The following MYO5C variants were observed in gnomAD, a reference collection of about 807,000 sequenced individuals.
MYO5C encodes the protein myosin VC.
In MYO5C, 194 loss-of-function variants were observed where a neutral mutation model predicts 235.7. The ratio of observed to expected loss-of-function variants is 0.82; its 90% confidence interval spans 0.73 to 0.93. MYO5C has a LOEUF of 0.93. Ranked by LOEUF, MYO5C falls within the 40% of genes least tolerant of loss-of-function variation. MYO5C has a pLI of 0.00. For synonymous variants in MYO5C, 707 were observed against 754.8 expected (o/e 0.94, Z 1.04); for missense variants, 2,038 against 2,127.2 (o/e 0.96, Z 0.82).
chr15:52,250,874 A>C (rs1460087490), intron 13 of MYO5C: 2 of 152,244 alleles, frequency 1.3e-5, no homozygotes, highest in Admixed American at 6.5e-5. Flanking sequence ...TGTGATTTTA[A>C]CAAAAATTTT....
At chr15:52,202,716 C>A (rs533058720) in intron 38 of MYO5C, among the ~76,000 whole-genome samples, 1 of 152,106 alleles carries the variant, frequency 6.6e-6, no homozygotes, top group African/African-American at 2.4e-5. Flanking sequence ...TCTGAATACC[C>A]CTTTCTATCT....
Position 52,246,007 on chromosome 15 carries a change from G to A in MYO5C, c.2015C>T (p.Ala672Val). The A allele has an allele frequency of 6.2e-7, 1 of 1,614,186 alleles. No homozygotes were observed. The highest frequency in any genetic ancestry group is 1.7e-5 in the Admixed American group (1 of 60,024). Residue 672 changes from alanine (A) to valine (V), a missense_variant, in exon 17 of 41, where the codon GCC (alanine) becomes GTC (valine). Ala to Val is a moderately conservative substitution (Grantham distance 64). Transcript: ENST00000261839. ...DSKRIVQQLR[A>V]CGVLETIRIS... Reference sequence around the variant, plus strand: ...GCGAATCGTTTCTAAAACGCCGCAGGCTCGCAGCTGCTGAACAATTCTTTT... The same window carrying A: ...GCGAATCGTTTCTAAAACGCCGCAGACTCGCAGCTGCTGAACAATTCTTTT...
In MYO5C at chr15:52,282,776, C is replaced by G. The variant is rs944364717; in HGVS notation, c.138+6G>C. The G allele has an allele frequency of 1.9e-6, 3 of 1,587,782 alleles. No individual in the cohort carries two copies. Among genetic ancestry groups the G allele is most frequent in the Non-Finnish European group, 2.6e-6 (3 of 1,156,214 alleles). ...CGACGTAGCTGTGAACAGCAAGGAC[C>G]CTCACCGTTCCATCCTCCAGCAGGA... On this transcript the variant is annotated splice_donor_region_variant and intron_variant, in intron 2 of 40. Coordinates refer to ENST00000261839, the MANE Select transcript of MYO5C (RefSeq NM_018728.4).
intron 35 of MYO5C, 103 bp from the exon 36 acceptor site, chr15:52,208,746 C>A: frequency 3.5e-6 from 3 of 846,340 alleles, no homozygotes; most frequent in Non-Finnish European, 3.8e-6. Context: ...ATTAGTTTTT[C>A]TTTTATTCAC....
In MYO5C at chr15:52,260,313, G is replaced by A. The variant is rs117783936; in HGVS notation, c.1313+549C>T. 9.6e-3 allele frequency among the ~76,000 whole-genome samples: 1,461 copies of A among 152,342 alleles called. 17 individuals are homozygous for A. Among genetic ancestry groups the A allele is most frequent in the Non-Finnish European group, 0.014 (920 of 68,032 alleles). ...CGGAAAAGGATTGGGGTAGGGGGGT[G>A]GTTGATCAGAGACCTGGGTTCAGTC... is the stretch of plus-strand genomic sequence containing the variant. On this transcript the variant is annotated intron_variant, in intron 10 of 40. Transcript: ENST00000261839.
At chr15:52,240,042 C>T (rs935300949) in intron 20 of MYO5C, among the ~76,000 whole-genome samples, 163 bp from the exon 21 acceptor site, 3 of 152,174 alleles carry the variant, frequency 2.0e-5, no homozygotes, top group African/African-American at 7.2e-5. Flanking sequence ...ATAACCAAAT[C>T]CTACCTGTAG....
chr15:52,216,933 G>A (rs572243228), intron 32 of MYO5C, among the ~76,000 whole-genome samples: 1 of 152,296 alleles, frequency 6.6e-6, no homozygotes, highest in South Asian at 2.1e-4. Context: ...ACCAAGGAAT[G>A]CCTGGAGCCC....
chr15:52,255,598 A>G lies in MYO5C; in HGVS notation c.1395+1041T>C, dbSNP rs141507025. Among the ~76,000 whole-genome samples the G allele has an allele frequency of 5.2e-4, 79 of 152,348 alleles. No homozygotes were observed. In the East Asian group the frequency reaches 0.014, roughly 28 times the overall value. ...GGCCAATGTAGAAAGATGTTCAATCAACTTTTAATTTCATTGACTTCTGTT... is the reference window on the plus strand; with the variant it reads ...GGCCAATGTAGAAAGATGTTCAATCGACTTTTAATTTCATTGACTTCTGTT... On this transcript the variant is annotated intron_variant, in intron 11 of 40. Coordinates refer to ENST00000261839, the MANE Select transcript of MYO5C (RefSeq NM_018728.4).
At chr15:52,224,094 ACAACATGGTG>A (rs933102155) in intron 28 of MYO5C, among the ~76,000 whole-genome samples, 67 of 152,246 alleles carry the variant, frequency 4.4e-4, no homozygotes, top group Admixed American at 2.4e-3. Flanking sequence ...ACCAGCCTAG[ACAACATGGTG>A]AAATCCCGTC....
In MYO5C at chr15:52,277,956, C is replaced by A. The variant is rs185282298; in HGVS notation, c.449+917G>T. On this transcript the variant is annotated intron_variant, in intron 4 of 40. Transcript: ENST00000261839. ...TAAAGCGGAGGGAGCTCAGGAGCTG[C>A]GGCTGGGGTTATGCAGTAAAGATTT... 3,941 of 455,934 alleles carry A rather than the reference C, an allele frequency of 8.6e-3. 27 individuals are homozygous for A. Among genetic ancestry groups the A allele is most frequent in the Non-Finnish European group, 0.013 (2,882 of 226,770 alleles). The allele number at this position is 455,934 out of a possible 1,614,324, so 28.2% of individuals were successfully genotyped here.
chr15:52,199,061 T>G (rs936025745), intron 38 of MYO5C, among the ~76,000 whole-genome samples: 1 of 150,146 alleles, frequency 6.7e-6, no homozygotes, highest in Admixed American at 6.6e-5. Flanking sequence ...CCTGGCTAAT[T>G]TTTTTGTATT....
intron 24 of MYO5C, among the ~76,000 whole-genome samples, chr15:52,230,573 CTAA>C (rs1490409876): frequency 6.6e-6 from 1 of 151,892 alleles, no homozygotes; most frequent in Non-Finnish European, 1.5e-5. Flanking sequence ...CCACACCCAG[CTAA>C]TGTTTGTATT....
At chr15:52,203,777 GC>G (rs1345105709) in intron 38 of MYO5C, among the ~76,000 whole-genome samples, 2 of 151,634 alleles carry the variant, frequency 1.3e-5, no homozygotes, top group Admixed American at 1.3e-4. Flanking sequence ...CCTCTACTCA[GC>G]CCCCCACTAC....
At chr15:52,196,193 T>C in intron 39 of MYO5C, 116 bp downstream of exon 39, 1 of 935,572 alleles carries the variant, frequency 1.1e-6, no homozygotes, top group Non-Finnish European at 1.5e-6. Context: ...ATAGGTATGC[T>C]CCCGAGAGTA....
chr15:52,276,507 C>G (rs79129232), intron 4 of MYO5C, among the ~76,000 whole-genome samples: 8,985 of 152,188 alleles, frequency 0.059, 512 homozygotes, highest in East Asian at 0.14. Context: ...AAGGAAAGCA[C>G]GTATTCAGCA....
In MYO5C at chr15:52,280,622, T is replaced by C. The variant is rs148161360; in HGVS notation, c.139-948A>G. Among the ~76,000 whole-genome samples, 941 of 152,338 alleles carry C rather than the reference T, an allele frequency of 6.2e-3. 13 individuals carry two copies. Among genetic ancestry groups the C allele is most frequent in the African/African-American group, 0.022 (909 of 41,566 alleles). The stretch of plus-strand genomic sequence containing the variant: ...TATTCAGTCAGTATCTCTGGATTCC[T>C]TCTGATCTCTGGTCCTGGACCAGCT... On this transcript the variant is annotated intron_variant, in intron 2 of 40. Transcript: ENST00000261839.
At chr15:52,258,866 T>C (rs2036634272) in intron 10 of MYO5C, among the ~76,000 whole-genome samples, 1 of 152,162 alleles carries the variant, frequency 6.6e-6, no homozygotes, top group South Asian at 2.1e-4. Flanking sequence ...AAATTCAAAT[T>C]CCTTATTACA....
chr15:52,221,128 T>A (rs1430900075), intron 30 of MYO5C, 34 bp downstream of exon 30: 1 of 1,547,792 alleles, frequency 6.5e-7, no homozygotes. Flanking sequence ...AGGAAACCGT[T>A]TTCTAAAAGC....
At chr15:52,288,910 C>T (rs2037331592) in intron 1 of MYO5C, among the ~76,000 whole-genome samples, 1 of 151,936 alleles carries the variant, frequency 6.6e-6, no homozygotes, top group South Asian at 2.1e-4. Context: ...ATGCCAGCCA[C>T]CCCCCCAAGG....
Sources: gnomAD v4.1 joint callset for allele counts (sites outside exome capture counted in the v4.1 genomes callset) on GRCh38, gnomAD v4.1.1 for gene constraint, MANE v1.5 for transcripts, NCBI Gene and HGNC (gene_info 2026-07-23, HGNC 2026-07-21) for gene names.